The following FER variants were observed in gnomAD, a reference collection of about 807,000 sequenced individuals.
FER encodes the protein tyrosine-protein kinase Fer.
A neutral mutation model predicts 111.0 loss-of-function variants in FER; 63 were observed. The observed-to-expected ratio is 0.57, with a 90% CI of 0.46 to 0.70. The LOEUF (loss-of-function observed/expected upper bound fraction) is 0.70. Among genes scored for constraint, FER ranks in the 30% least tolerant of loss-of-function variants. FER has a pLI of 0.00. For synonymous variants in FER, 327 were observed against 313.9 expected (o/e 1.04, Z -0.44); for missense variants, 914 against 954.0 (o/e 0.96, Z 0.55).
At chr5:109,110,178 AC>A (rs1050303312) in intron 17 of FER, among the ~76,000 whole-genome samples, 4 of 152,190 alleles carry the variant, frequency 2.6e-5, no homozygotes, top group Non-Finnish European at 5.9e-5. Flanking sequence ...GATGAATGAA[AC>A]AAAGCTCTAC....
chr5:108,755,506 A>G (rs1750990140), intron 1 of FER, among the ~76,000 whole-genome samples: 1 of 152,008 alleles, frequency 6.6e-6, no homozygotes, highest in South Asian at 2.1e-4. Flanking sequence ...GTTTTTTGAG[A>G]CAGAATTCCA....
intron 3 of FER, among the ~76,000 whole-genome samples, chr5:108,818,782 T>C (rs1285065064): frequency 6.6e-6 from 1 of 152,164 alleles, no homozygotes; most frequent in East Asian, 1.9e-4. Context: ...TTCATTTTCA[T>C]ATCCATAGCT....
At chr5:109,031,669 A>G (rs1269459996) in intron 13 of FER, among the ~76,000 whole-genome samples, 1 of 152,142 alleles carries the variant, frequency 6.6e-6, no homozygotes. Context: ...CTTCTTGTGT[A>G]TTCACTCTAT....
intron 5 of FER, among the ~76,000 whole-genome samples, chr5:108,863,549 G>A (rs927591802): frequency 2.6e-5 from 4 of 152,056 alleles, no homozygotes; most frequent in Admixed American, 6.5e-5. Context: ...CATGTGGGAG[G>A]ATATGTTCCT....
At position 108,844,105 on chromosome 5, in the gene FER, A is replaced by AAC. The variant is rs1474604241; in HGVS notation, c.481+8300_481+8301dup. 7.2e-4 allele frequency among the ~76,000 whole-genome samples: 90 copies of AAC among 124,458 alleles called. 1 individual carries two copies. Among genetic ancestry groups the AAC allele is most frequent in the African/African-American group, 2.9e-3 (84 of 29,282 alleles). 81.6% of individuals were successfully genotyped at this position (124,458 alleles called of 152,430 possible). A position where few individuals can be genotyped will look rare whatever the true frequency, so the allele number is the denominator to read the frequency against. On this transcript the variant is annotated intron_variant, in intron 5 of 19. Transcript: ENST00000281092. Reference sequence around the variant, plus strand: ...ATATGCGTGTGAACATATGTGTGTGAACATGTGTGTGAACACATATATGTG... The same window carrying AAC: ...ATATGCGTGTGAACATATGTGTGTGAACACATGTGTGTGAACACATATATGTG...
intron 13 of FER, among the ~76,000 whole-genome samples, chr5:109,013,084 T>A (rs1305873464): frequency 6.6e-6 from 1 of 151,534 alleles, no homozygotes; most frequent in Non-Finnish European, 1.5e-5. Flanking sequence ...TAATTTAATT[T>A]TATTATTATT....
chr5:108,875,140 A>C (rs1764962366), intron 8 of FER, among the ~76,000 whole-genome samples: 1 of 152,176 alleles, frequency 6.6e-6, no homozygotes, highest in Non-Finnish European at 1.5e-5. Context: ...CTAAATACAT[A>C]GGAGAGTTAA....
chr5:108,896,840 G>T (rs1749182531), intron 9 of FER, among the ~76,000 whole-genome samples: 1 of 152,008 alleles, frequency 6.6e-6, no homozygotes, highest in African/African-American at 2.4e-5. Context: ...ATAATCTATT[G>T]TCTCTTACAT....
In FER at chr5:109,189,181, AACTTACTT is replaced by A. The variant is rs10596025; in HGVS notation, c.*1613_*1620del. 4 of 152,022 alleles carry A rather than the reference AACTTACTT, an allele frequency of 2.6e-5. No individual in the cohort carries two copies. Among genetic ancestry groups the A allele is most frequent in the South Asian group, 4.2e-4 (2 of 4,814 alleles). The allele number at this position is 152,022 out of a possible 1,614,324, so 9.4% of individuals were successfully genotyped here. ...TCTGTATCTTAACTCTTATCTAGGG[AACTTACTT>A]ACTTACCCCATGATCTGTATATAGT... On this transcript the variant is annotated 3_prime_UTR_variant, in exon 20 of 20. Coordinates refer to ENST00000281092, the MANE Select transcript of FER (RefSeq NM_005246.4).
At chr5:108,949,754 G>A (rs1757472875) in intron 11 of FER, among the ~76,000 whole-genome samples, 1 of 152,078 alleles carries the variant, frequency 6.6e-6, no homozygotes, top group South Asian at 2.1e-4. Context: ...TGTGTGATAA[G>A]ATTTTAGCAT....
intron 13 of FER, among the ~76,000 whole-genome samples, chr5:109,035,268 C>T (rs957007808): frequency 1.3e-5 from 2 of 151,860 alleles, no homozygotes; most frequent in South Asian, 2.1e-4. Flanking sequence ...TATAACCCCC[C>T]GCAAAGTTGC....
chr5:109,069,151 G>C (rs911008328), intron 16 of FER, among the ~76,000 whole-genome samples: 3 of 151,836 alleles, frequency 2.0e-5, no homozygotes, highest in Admixed American at 6.6e-5. Flanking sequence ...AGATTCTAGG[G>C]AAAAATCATA....
At chr5:108,805,451 G>A (rs1429115557) in intron 3 of FER, among the ~76,000 whole-genome samples, 2 of 152,216 alleles carry the variant, frequency 1.3e-5, no homozygotes, top group African/African-American at 4.8e-5. Context: ...ACCTGAAAAT[G>A]TGGTAATGAC....
intron 8 of FER, among the ~76,000 whole-genome samples, chr5:108,875,017 C>T (rs1764947343): frequency 6.6e-6 from 1 of 152,076 alleles, no homozygotes; most frequent in South Asian, 2.1e-4. Flanking sequence ...TTATGGAAAT[C>T]TAACACTATG....
At chr5:109,015,266 A>C (rs1315821548) in intron 13 of FER, among the ~76,000 whole-genome samples, 1 of 152,056 alleles carries the variant, frequency 6.6e-6, no homozygotes, top group Non-Finnish European at 1.5e-5. Context: ...GCACTTTTTA[A>C]AACTGCTGTA....
chr5:109,119,314 T>C (rs1251984352), intron 17 of FER, among the ~76,000 whole-genome samples: 2 of 152,182 alleles, frequency 1.3e-5, no homozygotes, highest in African/African-American at 2.4e-5. Flanking sequence ...TGTAGTTGAG[T>C]GGTTTTGAGT....
intron 16 of FER, among the ~76,000 whole-genome samples, chr5:109,054,670 C>G (rs983541573): frequency 6.7e-6 from 1 of 150,176 alleles, no homozygotes; most frequent in Non-Finnish European, 1.5e-5. Flanking sequence ...AACTGTTGAA[C>G]CCAAGGTCCT....
intron 3 of FER, among the ~76,000 whole-genome samples, chr5:108,823,587 A>G (rs1002966456): frequency 6.6e-6 from 1 of 152,208 alleles, no homozygotes; most frequent in Non-Finnish European, 1.5e-5. Context: ...CTTTGGAAGA[A>G]TATCTGCTCA....
At chr5:108,920,070 T>G (rs759105084) in intron 10 of FER, among the ~76,000 whole-genome samples, 6 of 152,144 alleles carry the variant, frequency 3.9e-5, no homozygotes, top group Non-Finnish European at 5.9e-5. Flanking sequence ...GTCCCCTTAT[T>G]ATAGATATTT....
Sources: gnomAD v4.1 joint callset for allele counts (sites outside exome capture counted in the v4.1 genomes callset) on GRCh38, gnomAD v4.1.1 for gene constraint, MANE v1.5 for transcripts, NCBI Gene and HGNC (gene_info 2026-07-23, HGNC 2026-07-21) for gene names.